Variants in SLC35F4 observed in about 807,000 individuals in gnomAD.
SLC35F4 encodes the protein chromosome 14 open reading frame 36.
Under a neutral mutation model 44.2 loss-of-function variants are expected in SLC35F4, and 24 were observed. The observed-to-expected ratio is 0.54, with a 90% CI of 0.39 to 0.76. The LOEUF (loss-of-function observed/expected upper bound fraction) is 0.76. Among genes scored for constraint, SLC35F4 ranks in the 30% least tolerant of loss-of-function variants. The pLI is 0.00. For synonymous variants in SLC35F4, 238 were observed against 223.6 expected (o/e 1.06, Z -0.57); for missense variants, 562 against 586.1 (o/e 0.96, Z 0.42).
chr14:57,944,731 G>C (rs550744118), intron 1 of SLC35F4, among the ~76,000 whole-genome samples: 1 of 119,994 alleles, frequency 8.3e-6, no homozygotes, highest in South Asian at 2.8e-4. Context: ...AAGAAAGAAA[G>C]AAAGAAAGAA....
intron 1 of SLC35F4, among the ~76,000 whole-genome samples, chr14:57,773,768 A>G (rs2077424188): frequency 6.6e-6 from 1 of 152,106 alleles, no homozygotes; most frequent in Non-Finnish European, 1.5e-5. Context: ...GTTACTGTGA[A>G]AGTACAGTCA....
chr14:57,864,345 AG>A (rs760620459), intron 1 of SLC35F4, among the ~76,000 whole-genome samples: 16 of 152,236 alleles, frequency 1.1e-4, no homozygotes, highest in Non-Finnish European at 2.1e-4. Flanking sequence ...TTTTCTTTCC[AG>A]AAAATTCTAA....
chr14:57,564,695 A>T lies in SLC35F4; in HGVS notation c.1217-319T>A, dbSNP rs374591466. On this transcript the variant is annotated intron_variant, in intron 7 of 7. Transcript: ENST00000556826. ...TGGAGATTTTTCAAATGAGCCAAAC[A>T]TGTTAGTGTCTAACACTTGTGCAGG... Among the ~76,000 whole-genome samples the T allele has an allele frequency of 2.0e-5, 3 of 152,202 alleles. No individual in the cohort carries two copies. In the East Asian group the frequency reaches 5.8e-4, roughly 29 times the overall value.
intron 1 of SLC35F4, among the ~76,000 whole-genome samples, chr14:57,658,859 A>C (rs1398297127): frequency 1.3e-5 from 2 of 152,178 alleles, no homozygotes; most frequent in African/African-American, 4.8e-5. Context: ...GAAGGAATAG[A>C]CTCACTACAC....
intron 1 of SLC35F4, among the ~76,000 whole-genome samples, chr14:57,756,343 G>A (rs2076993911): frequency 6.6e-6 from 1 of 151,980 alleles, no homozygotes; most frequent in African/African-American, 2.4e-5. Flanking sequence ...TTTTTTAGAA[G>A]TGTGTTAGTC....
At chr14:57,622,217 A>G (rs76894447) in intron 1 of SLC35F4, among the ~76,000 whole-genome samples, 47,467 of 85,040 alleles carry the variant, frequency 0.56, 16,169 homozygotes, top group Middle Eastern at 0.77. Flanking sequence ...TACACTGTTG[A>G]TGGCACTGTA....
At chr14:57,971,906 C>T (rs1191906388), downstream of SLC35F4, among the ~76,000 whole-genome samples, 2 of 152,120 alleles carry the variant, frequency 1.3e-5, no homozygotes, top group African/African-American at 4.8e-5. Context: ...TGATTAAGTG[C>T]TAAGAAGAAA....
At chr14:57,726,991 T>G (rs1040563521) in intron 1 of SLC35F4, among the ~76,000 whole-genome samples, 1 of 152,164 alleles carries the variant, frequency 6.6e-6, no homozygotes, top group Non-Finnish European at 1.5e-5. Flanking sequence ...GGATGCTTCC[T>G]GCCCTCAAAC....
At chr14:57,832,990 C>A (rs145693456) in intron 1 of SLC35F4, among the ~76,000 whole-genome samples, 1 of 152,260 alleles carries the variant, frequency 6.6e-6, no homozygotes, top group Non-Finnish European at 1.5e-5. Context: ...TTGTTCATTT[C>A]TTTAATGATA....
At chr14:57,784,298 C>T (rs767756941) in intron 1 of SLC35F4, among the ~76,000 whole-genome samples, 5 of 152,166 alleles carry the variant, frequency 3.3e-5, no homozygotes, top group Non-Finnish European at 7.3e-5. Flanking sequence ...TTATTCAAGA[C>T]TGCTTTTAAC....
At chr14:57,769,476 C>T (rs2077310054) in intron 1 of SLC35F4, among the ~76,000 whole-genome samples, 1 of 152,114 alleles carries the variant, frequency 6.6e-6, no homozygotes, top group African/African-American at 2.4e-5. Context: ...TCAGCCAAAA[C>T]CTCATAAAAT....
At chr14:57,776,744 CA>C (rs2077500421) in intron 1 of SLC35F4, among the ~76,000 whole-genome samples, 1 of 149,010 alleles carries the variant, frequency 6.7e-6, no homozygotes, top group Non-Finnish European at 1.5e-5. Flanking sequence ...ATAAGACTAA[CA>C]GTGGATTTCT....
At chr14:57,716,456 T>G (rs1343058408) in intron 1 of SLC35F4, among the ~76,000 whole-genome samples, 1 of 152,186 alleles carries the variant, frequency 6.6e-6, no homozygotes, top group Non-Finnish European at 1.5e-5. Context: ...GTTCCAATAA[T>G]AGAACACTAG....
intron 1 of SLC35F4, among the ~76,000 whole-genome samples, chr14:57,594,676 C>T (rs2070389765): frequency 6.6e-6 from 1 of 152,154 alleles, no homozygotes. Flanking sequence ...TGTGATTTTC[C>T]ACTCTACCCT....
At chr14:57,796,527 G>A (rs368164724) in intron 1 of SLC35F4, among the ~76,000 whole-genome samples, 1 of 152,042 alleles carries the variant, frequency 6.6e-6, no homozygotes, top group African/African-American at 2.4e-5. Context: ...TGTGCAACTT[G>A]TTTCAAATAC....
At chr14:57,737,098 TTG>T (rs5808938) in intron 1 of SLC35F4, among the ~76,000 whole-genome samples, 5,853 of 148,706 alleles carry the variant, frequency 0.039, 114 homozygotes, top group Non-Finnish European at 0.043. Flanking sequence ...CTTTCTATCT[TTG>T]TGTGTGTGTG....
intron 1 of SLC35F4, among the ~76,000 whole-genome samples, chr14:57,729,432 A>T (rs1396605498): frequency 3.3e-5 from 5 of 152,194 alleles, no homozygotes; most frequent in East Asian, 3.9e-4. Flanking sequence ...TCAGGAACCA[A>T]GGGCTCTTTA....
intron 1 of SLC35F4, among the ~76,000 whole-genome samples, chr14:57,686,088 G>A (rs979083415): frequency 3.3e-5 from 5 of 152,248 alleles, no homozygotes; most frequent in East Asian, 1.9e-4. Context: ...TGAGATGGGC[G>A]AGATTACCAG....
At chr14:57,598,891 A>ATG (rs34462836) in intron 1 of SLC35F4, among the ~76,000 whole-genome samples, 2,077 of 150,816 alleles carry the variant, frequency 0.014, 15 homozygotes, top group African/African-American at 0.023. Flanking sequence ...GTGTGTGTGT[A>ATG]TGTGTGTGTG....
Sources: gnomAD v4.1 joint callset for allele counts (sites outside exome capture counted in the v4.1 genomes callset) on GRCh38, gnomAD v4.1.1 for gene constraint, MANE v1.5 for transcripts, NCBI Gene and HGNC (gene_info 2026-07-23, HGNC 2026-07-21) for gene names.